Variants in OSBPL10 observed in about 807,000 individuals in gnomAD.
OSBPL10 encodes the protein oxysterol-binding protein-related protein 10.
Under a neutral mutation model 81.7 loss-of-function variants are expected in OSBPL10, and 49 were observed. The observed-to-expected ratio is 0.60, with a 90% CI of 0.48 to 0.76. OSBPL10 has a LOEUF of 0.76. Among genes scored for constraint, OSBPL10 ranks in the 30% least tolerant of loss-of-function variants. The pLI, the probability that OSBPL10 is intolerant of heterozygous loss-of-function variation, is 0.00. For missense variants in OSBPL10, 923 were observed against 987.8 expected (o/e 0.93, Z 0.88); for synonymous variants, 419 against 383.6 (o/e 1.09, Z -1.08).
In OSBPL10 at chr3:31,967,928, G is replaced by T. The variant is rs147517434; in HGVS notation, c.281+12971C>A. On this transcript the variant is annotated intron_variant, in intron 1 of 11. Coordinates refer to ENST00000396556, the MANE Select transcript of OSBPL10 (RefSeq NM_017784.5). ...GTTTATTAGATATATGCTCTATTCG[G>T]TGATTAAGTATATAGTGCACACCCC... Among the ~76,000 whole-genome samples, 7 of 152,296 alleles carry T rather than the reference G, an allele frequency of 4.6e-5. No homozygotes were observed. The East Asian group carries it at 7.7e-4, about 17-fold the overall frequency.
intron 2 of OSBPL10, among the ~76,000 whole-genome samples, chr3:32,040,848 A>C (rs1699567998): frequency 6.6e-6 from 1 of 152,196 alleles, no homozygotes; most frequent in Non-Finnish European, 1.5e-5. Context: ...AATAAAAGTT[A>C]AAAATTGTTT....
intron 6 of OSBPL10, among the ~76,000 whole-genome samples, chr3:31,731,480 ATTTC>A (rs1333298128): frequency 1.4e-5 from 2 of 144,928 alleles, no homozygotes; most frequent in African/African-American, 2.5e-5. Context: ...GGAATTAGTT[ATTTC>A]TTTCTTTTTT....
At position 32,029,765 on chromosome 3, in the gene OSBPL10, G is replaced by A. The variant is rs138725575; in HGVS notation, n.298+16726C>T. ...CTGTAACCAATGTCCATTCCCTAGA[G>A]GGGAAAATATCTCAGGTAGAGCCAG... On this transcript the variant is annotated intron_variant and non_coding_transcript_variant, in intron 2 of 3. Transcript: ENST00000479173. Among the ~76,000 whole-genome samples, 271 of 152,224 alleles carry A rather than the reference G, an allele frequency of 1.8e-3. 1 individual carries two copies. Among genetic ancestry groups the A allele is most frequent in the African/African-American group, 6.3e-3 (262 of 41,530 alleles).
chr3:31,947,235 C>A (rs1320372166), intron 1 of OSBPL10, among the ~76,000 whole-genome samples: 1 of 152,086 alleles, frequency 6.6e-6, no homozygotes, highest in Non-Finnish European at 1.5e-5. Context: ...GACATAGAGA[C>A]CAGGATCCCA....
At chr3:31,931,894 C>G in intron 1 of OSBPL10, among the ~76,000 whole-genome samples, 1 of 152,050 alleles carries the variant, frequency 6.6e-6, no homozygotes, top group East Asian at 1.9e-4. Flanking sequence ...CTAGGCAACA[C>G]AGCCAGACAA....
rs76700342 is a variant in OSBPL10 at position 31,988,681 on chromosome 3, C to T, written n.298+57810G>A. The T allele has an allele frequency of 1.9e-4, 39 of 210,732 alleles. No individual in the cohort carries two copies. In the East Asian group the frequency reaches 4.3e-3, roughly 23 times the overall value. The allele number at this position is 210,732 out of a possible 1,614,324, so 13.1% of individuals were successfully genotyped here. A position where few individuals can be genotyped will look rare whatever the true frequency, so the allele number is the denominator to read the frequency against. On this transcript the variant is annotated intron_variant and non_coding_transcript_variant, in intron 2 of 3. Transcript: ENST00000479173. ...TCAGTCACTCTAGGAAAGCCAGCTG[C>T]CATGACATAAGGATACTCAGGCCAC...
chr3:31,715,860 A>G (rs1279469289), intron 6 of OSBPL10, among the ~76,000 whole-genome samples: 1 of 152,214 alleles, frequency 6.6e-6, no homozygotes, highest in Non-Finnish European at 1.5e-5. Flanking sequence ...CCTTATTCAA[A>G]AAGAGACACG....
In OSBPL10 at chr3:31,759,935, T is replaced by C. The variant is rs538296844; in HGVS notation, c.730-11815A>G. Among the ~76,000 whole-genome samples the C allele has an allele frequency of 3.9e-5, 6 of 152,240 alleles. No individual in the cohort carries two copies. In the East Asian group the frequency reaches 1.2e-3, roughly 29 times the overall value. On this transcript the variant is annotated intron_variant, in intron 4 of 11. Coordinates refer to ENST00000396556, the MANE Select transcript of OSBPL10 (RefSeq NM_017784.5). Reference sequence around the variant, plus strand: ...CCACAACACCTGGCTAATTTTTTTGTATTTTTAGTAGAGACAGGGTTTTGC... The same window carrying C: ...CCACAACACCTGGCTAATTTTTTTGCATTTTTAGTAGAGACAGGGTTTTGC...
At chr3:31,890,440 A>G (rs554283503) in intron 1 of OSBPL10, among the ~76,000 whole-genome samples, 54 of 152,132 alleles carry the variant, frequency 3.5e-4, no homozygotes, top group African/African-American at 1.3e-3. Flanking sequence ...GTTCCTGCAT[A>G]ATGGGATCAT....
At chr3:31,947,789 A>G (rs1697744591) in intron 1 of OSBPL10, among the ~76,000 whole-genome samples, 1 of 151,948 alleles carries the variant, frequency 6.6e-6, no homozygotes, top group Admixed American at 6.5e-5. Context: ...GCAGAGCCTG[A>G]TGTGGCGACT....
intron 4 of OSBPL10, among the ~76,000 whole-genome samples, chr3:31,768,122 T>C (rs1010830198): frequency 2.0e-5 from 3 of 152,154 alleles, no homozygotes; most frequent in African/African-American, 2.4e-5. Context: ...TTTTAGGCCA[T>C]ATAGGGTAGT....
chr3:31,708,340 C>A (rs116661631), intron 6 of OSBPL10, among the ~76,000 whole-genome samples: 5 of 152,164 alleles, frequency 3.3e-5, no homozygotes, highest in African/African-American at 1.2e-4. Context: ...CCAATATGTA[C>A]AGCATATTTA....
At chr3:32,048,310 A>ATTTTTTTTTTTT (rs71068027) in intron 1 of OSBPL10, among the ~76,000 whole-genome samples, 1 of 134,584 alleles carries the variant, frequency 7.4e-6, no homozygotes, top group African/African-American at 2.8e-5. Context: ...CACTACTACT[A>ATTTTTTTTTTTT]TTTTTTTTTT....
chr3:32,025,017 ACCTC>A (rs1699391546), intron 2 of OSBPL10, among the ~76,000 whole-genome samples: 1 of 151,990 alleles, frequency 6.6e-6, no homozygotes, highest in African/African-American at 2.4e-5. Context: ...ACTGGCTAGA[ACCTC>A]CAGTATATAG....
At chr3:31,924,278 ACT>A (rs1697005592) in intron 1 of OSBPL10, among the ~76,000 whole-genome samples, 3 of 151,828 alleles carry the variant, frequency 2.0e-5, no homozygotes, top group Admixed American at 6.6e-5. Flanking sequence ...TACGGCATTG[ACT>A]CTGGAGTGGA....
intron 1 of OSBPL10, among the ~76,000 whole-genome samples, chr3:31,948,591 T>C (rs956725702): frequency 6.6e-6 from 1 of 152,240 alleles, no homozygotes; most frequent in Admixed American, 6.5e-5. Context: ...CCAATTTTTA[T>C]GGTGCTTTTT....
chr3:31,947,683 A>G (rs1264553658), intron 1 of OSBPL10, among the ~76,000 whole-genome samples: 1 of 152,204 alleles, frequency 6.6e-6, no homozygotes, highest in Non-Finnish European at 1.5e-5. Context: ...AGATCACGGA[A>G]GACTCCTGTG....
chr3:31,835,906 CT>C (rs1700350428), intron 3 of OSBPL10, among the ~76,000 whole-genome samples: 1 of 152,216 alleles, frequency 6.6e-6, no homozygotes, highest in Non-Finnish European at 1.5e-5. Flanking sequence ...TGGAATTTCA[CT>C]TTCCTGATAG....
chr3:31,956,209 T>G (rs543740968), intron 1 of OSBPL10, among the ~76,000 whole-genome samples: 1 of 152,286 alleles, frequency 6.6e-6, no homozygotes, highest in East Asian at 1.9e-4. Flanking sequence ...ATTTTGAGCC[T>G]ATATAAATGC....
Sources: gnomAD v4.1 joint callset for allele counts (sites outside exome capture counted in the v4.1 genomes callset) on GRCh38, gnomAD v4.1.1 for gene constraint, MANE v1.5 for transcripts, NCBI Gene and HGNC (gene_info 2026-07-23, HGNC 2026-07-21) for gene names.